The following GALNT17 variants were observed in gnomAD, a reference collection of about 807,000 sequenced individuals.
GALNT17 encodes UDP-GalNAc:polypeptide N-acetylgalactosaminyltransferase-like 3.
Under a neutral mutation model 63.7 loss-of-function variants are expected in GALNT17, and 29 were observed. The ratio of observed to expected loss-of-function variants is 0.46; its 90% CI spans 0.34 to 0.62. The LOEUF is 0.62. Among genes scored for constraint, GALNT17 ranks in the 20% least tolerant of loss-of-function variants. The pLI is 0.01. For synonymous variants in GALNT17, 305 were observed against 318.3 expected (o/e 0.96, Z 0.45); for missense variants, 603 against 799.6 (o/e 0.75, Z 2.97).
rs71089973 is a variant in GALNT17, at chr7:71,678,794, CAA to C, written c.1500+1501_1500+1502del. Among the ~76,000 whole-genome samples the C allele has an allele frequency of 3.3e-3, 453 of 135,984 alleles. 1 individual carries two copies. Among genetic ancestry groups the C allele is most frequent in the Middle Eastern group, 0.011 (3 of 268 alleles). 89.2% of individuals were successfully genotyped at this position (135,984 alleles called of 152,430 possible). On this transcript the variant is annotated intron_variant, in intron 9 of 10. Transcript: ENST00000333538. ...TGTGCGACAGAGTGAGACTCTGTCT[CAA>C]AAAAAAAAAAAATTAGCCAGGCATA...
chr7:71,304,493 AGCGC>A (rs1791255422), intron 1 of GALNT17, among the ~76,000 whole-genome samples: 11 of 152,188 alleles, frequency 7.2e-5, no homozygotes, highest in Admixed American at 7.2e-4. Flanking sequence ...TTTTGATGAC[AGCGC>A]TGCATGCATG....
At chr7:71,474,728 A>G (rs1787695526) in intron 5 of GALNT17, among the ~76,000 whole-genome samples, 1 of 152,156 alleles carries the variant, frequency 6.6e-6, no homozygotes, top group South Asian at 2.1e-4. Flanking sequence ...CCCTACAGCA[A>G]TGGGCTGAAA....
chr7:71,624,952 C>G (rs988175645), intron 6 of GALNT17, among the ~76,000 whole-genome samples: 1 of 152,126 alleles, frequency 6.6e-6, no homozygotes, highest in African/African-American at 2.4e-5. Context: ...CTCTAGGAAA[C>G]TCCACTGTAC....
At position 71,174,291 on chromosome 7, in the gene GALNT17, C is replaced by T. The variant is rs192337443; in HGVS notation, c.238+41251C>T. Among the ~76,000 whole-genome samples the T allele has an allele frequency of 1.3e-4, 20 of 152,146 alleles. No homozygotes were observed. In the East Asian group the frequency reaches 2.9e-3, roughly 22 times the overall value. ...TTCATAGGTTAGCGGAGAAAGAAGC[C>T]GGGGGGAGTTCCTCTAAGCAGAGGC... On this transcript the variant is annotated intron_variant, in intron 1 of 10. Transcript: ENST00000333538.
At chr7:71,162,500 T>C (rs1359550428) in intron 1 of GALNT17, among the ~76,000 whole-genome samples, 1 of 151,990 alleles carries the variant, frequency 6.6e-6, no homozygotes, top group East Asian at 1.9e-4. Context: ...GAATGTGAGC[T>C]CCTTGCTCAA....
intron 9 of GALNT17, among the ~76,000 whole-genome samples, chr7:71,680,879 CT>C (rs1163527634): frequency 1.6e-4 from 14 of 86,082 alleles, no homozygotes; most frequent in Non-Finnish European, 2.4e-4. Context: ...TCCTTCCTTC[CT>C]TTTCTTCCTT....
chr7:71,463,940 C>G (rs972735342), intron 5 of GALNT17, among the ~76,000 whole-genome samples: 14 of 152,136 alleles, frequency 9.2e-5, no homozygotes, highest in African/African-American at 3.1e-4. Context: ...TGTGCCCATC[C>G]CTTATCTCAT....
At chr7:71,501,956 C>T (rs1376364650) in intron 5 of GALNT17, among the ~76,000 whole-genome samples, 1 of 151,968 alleles carries the variant, frequency 6.6e-6, no homozygotes, top group African/African-American at 2.4e-5. Context: ...AGCCCTGTCT[C>T]CTCCTAAGCC....
In GALNT17 at chr7:71,473,635, TTCTTC is replaced by T. The variant is rs1425561739; in HGVS notation, c.962+52536_962+52540del. Among the ~76,000 whole-genome samples the T allele has an allele frequency of 3.3e-5, 5 of 152,244 alleles. No homozygotes were observed. The South Asian group carries it at 1.0e-3, about 32-fold the overall frequency. ...GGGCATAATGAGGCTTGTCCATCCTTTCTTCTCTTCATGGCCAGGAATCCAATGTT... is the reference window on the plus strand; with the variant it reads ...GGGCATAATGAGGCTTGTCCATCCTTTCTTCATGGCCAGGAATCCAATGTT... On this transcript the variant is annotated intron_variant, in intron 5 of 10. Transcript: ENST00000333538.
intron 1 of GALNT17, among the ~76,000 whole-genome samples, chr7:71,268,537 T>C (rs901682763): frequency 2.0e-5 from 3 of 147,138 alleles, no homozygotes. Context: ...GGCAACAGAA[T>C]GAGATCCATC....
At chr7:71,261,039 A>G (rs1214944877) in intron 1 of GALNT17, among the ~76,000 whole-genome samples, 1 of 152,232 alleles carries the variant, frequency 6.6e-6, no homozygotes, top group Admixed American at 6.5e-5. Flanking sequence ...TTCGCAGTGC[A>G]GGGATTCCCC....
chr7:71,168,889 G>A (rs1458039927), intron 1 of GALNT17, among the ~76,000 whole-genome samples: 4 of 152,154 alleles, frequency 2.6e-5, no homozygotes, highest in Admixed American at 6.5e-5. Flanking sequence ...AACTCTACCT[G>A]TCCATCTTTT....
At chr7:71,244,437 T>A (rs1790057554) in intron 1 of GALNT17, among the ~76,000 whole-genome samples, 1 of 152,056 alleles carries the variant, frequency 6.6e-6, no homozygotes, top group Non-Finnish European at 1.5e-5. Flanking sequence ...AGGAGCTGAG[T>A]CTTTGGAGAC....
intron 6 of GALNT17, among the ~76,000 whole-genome samples, chr7:71,630,012 G>A (rs914946974): frequency 4.6e-5 from 7 of 150,542 alleles, no homozygotes; most frequent in Non-Finnish European, 7.4e-5. Flanking sequence ...TTATTATATC[G>A]TAACTTTGTG....
intron 5 of GALNT17, 95 bp from the exon 6 acceptor site, chr7:71,571,190 G>T: frequency 9.8e-7 from 1 of 1,022,096 alleles, no homozygotes. Flanking sequence ...ACCAGTACAT[G>T]CTAGACCGGA....
intron 1 of GALNT17, among the ~76,000 whole-genome samples, chr7:71,229,883 A>C (rs1228223238): frequency 1.3e-5 from 2 of 152,196 alleles, no homozygotes; most frequent in Non-Finnish European, 2.9e-5. Context: ...TAATGGAAAA[A>C]AGCCAAGAGC....
rs778146942 is a variant in GALNT17 at position 71,222,981 on chromosome 7, G to A, written c.238+89941G>A. Among the ~76,000 whole-genome samples, 18 of 152,088 alleles carry A rather than the reference G, an allele frequency of 1.2e-4. 1 individual carries two copies. Among genetic ancestry groups the A allele is most frequent in the South Asian group, 6.2e-4 (3 of 4,822 alleles). On this transcript the variant is annotated intron_variant, in intron 1 of 10. Transcript: ENST00000333538. ...CCAGCTACTCTGGAGGCTGATGGGG[G>A]ACCATCACTTGAGCTCAGCAGTTTA...
intron 5 of GALNT17, among the ~76,000 whole-genome samples, chr7:71,561,101 C>G (rs1789248685): frequency 6.6e-6 from 1 of 152,132 alleles, no homozygotes; most frequent in Non-Finnish European, 1.5e-5. Context: ...CAACCTCCAC[C>G]TCCCGGGTTC....
In GALNT17 at chr7:71,133,184, C is replaced by T. The variant is rs547015333; in HGVS notation, c.238+144C>T. ...GCGCTCCTTCTTACCCTTCCTGCCC[C>T]GTTTCGGGCAGATGGCCGGGGCTGC... On this transcript the variant is annotated intron_variant, in intron 1 of 10. Coordinates refer to ENST00000333538, the MANE Select transcript of GALNT17 (RefSeq NM_022479.3). 34 of 677,602 alleles carry T rather than the reference C, an allele frequency of 5.0e-5. No individual in the cohort carries two copies. In the Admixed American group the frequency reaches 8.6e-4, roughly 17 times the overall value. The allele number at this position is 677,602 out of a possible 1,614,324, so 42.0% of individuals were successfully genotyped here. A position where few individuals can be genotyped will look rare whatever the true frequency, so the allele number is the denominator to read the frequency against.
Sources: gnomAD v4.1 joint callset for allele counts (sites outside exome capture counted in the v4.1 genomes callset) on GRCh38, gnomAD v4.1.1 for gene constraint, MANE v1.5 for transcripts, NCBI Gene and HGNC (gene_info 2026-07-23, HGNC 2026-07-21) for gene names.